The following CPSF2 variants were observed in gnomAD, a reference collection of about 807,000 sequenced individuals.
CPSF2 encodes cleavage and polyadenylation specificity factor subunit 2.
Under a neutral mutation model 84.2 loss-of-function variants are expected in CPSF2, and 51 were observed. The ratio of observed to expected loss-of-function variants is 0.61; its 90% CI spans 0.48 to 0.77. The LOEUF is 0.77. CPSF2 is among the 30% of genes least tolerant of loss of function. The pLI, the probability that CPSF2 is intolerant of heterozygous loss-of-function variation, is 0.00. For missense variants in CPSF2, 641 were observed against 929.4 expected (o/e 0.69, Z 4.03); for synonymous variants, 286 against 311.9 (o/e 0.92, Z 0.87).
intron 14 of CPSF2, among the ~76,000 whole-genome samples, chr14:92,160,716 G>A (rs2069360931): frequency 6.6e-6 from 1 of 152,212 alleles, no homozygotes; most frequent in Non-Finnish European, 1.5e-5. Context: ...AATGGGATTG[G>A]GGAGGAAACG....
At chr14:92,154,482 T>C in intron 10 of CPSF2, 24 bp downstream of exon 10, 1 of 1,466,416 alleles carries the variant, frequency 6.8e-7, no homozygotes, top group Non-Finnish European at 9.3e-7. Context: ...AGACAGATTA[T>C]AAATTTATGG....
chr14:92,122,662 C>T (rs534936083), intron 1 of CPSF2, among the ~76,000 whole-genome samples: 1 of 152,074 alleles, frequency 6.6e-6, no homozygotes, highest in East Asian at 1.9e-4. Flanking sequence ...CCCTCCAGCG[C>T]TTCCACTATC....
intron 2 of CPSF2, among the ~76,000 whole-genome samples, chr14:92,128,085 G>T (rs538921295): frequency 6.6e-6 from 1 of 152,078 alleles, no homozygotes; most frequent in Non-Finnish European, 1.5e-5. Context: ...AGCAAATAGC[G>T]TTAGCCAGGT....
chr14:92,163,254 A>G lies in CPSF2; in HGVS notation c.*1510A>G, dbSNP rs2069398393. 1 of 152,244 alleles carries G rather than the reference A, an allele frequency of 6.6e-6. No homozygotes were observed. Among genetic ancestry groups the G allele is most frequent in the African/African-American group, 2.4e-5 (1 of 41,422 alleles). The allele number at this position is 152,244 out of a possible 1,614,324, so 9.4% of individuals were successfully genotyped here. ...ATCTTATTTAACTATGTGTGGAACA[A>G]CCCAGTAATATCAGACTCGAATTAC... On this transcript the variant is annotated 3_prime_UTR_variant, in exon 16 of 16. Transcript: ENST00000298875.
chr14:92,122,053 C>CT lies in CPSF2; in HGVS notation c.-165dup. On this transcript the variant is annotated 5_prime_UTR_variant, in exon 1 of 16. Transcript: ENST00000298875. ...CCTGGCGCTGCTGACCCAGCATCGG[C>CT]TTTTCTACGTCTTGAACCTGGATTC... 2 of 556,500 alleles carry CT rather than the reference C, an allele frequency of 3.6e-6. No individual in the cohort carries two copies. Among genetic ancestry groups the CT allele is most frequent in the East Asian group, 6.4e-5 (2 of 31,488 alleles). 34.5% of individuals were successfully genotyped at this position (556,500 alleles called of 1,614,324 possible).
At chr14:92,141,302 G>A (rs2069075331) in intron 7 of CPSF2, among the ~76,000 whole-genome samples, 1 of 152,180 alleles carries the variant, frequency 6.6e-6, no homozygotes, top group Middle Eastern at 3.2e-3. Flanking sequence ...ATGATTTAAA[G>A]TATATAGGAG....
At chr14:92,142,485 C>G in intron 8 of CPSF2, 134 bp downstream of exon 8, 1 of 647,266 alleles carries the variant, frequency 1.5e-6, no homozygotes, top group Non-Finnish European at 2.7e-6. Flanking sequence ...TTGGCATTAA[C>G]CATTTACTGT....
rs767765242 is a variant in CPSF2 at position 92,159,215 on chromosome 14, A to G, written c.2054A>G (p.Asp685Gly). The change falls in exon 14 of 16, where the codon GAT becomes GGT. Residue 685 changes from aspartate to glycine, a missense_variant. Physicochemically the swap from Asp to Gly is moderately conservative, Grantham distance 94. Around this residue, in one of 2 missense-constraint regions of CPSF2, gnomAD observed 430 missense variants for 553.6 expected, o/e 0.78. Transcript: ENST00000298875. ...QQKAMKSLFGDDEKETGEESE... is the reference protein window; with the variant it reads ...QQKAMKSLFGGDEKETGEESE... Reference sequence around the variant, plus strand: ...AAGGCCATGAAAAGTCTGTTCGGAGATGATGAAAAAGAAACAGGTGAAGAA... The same window carrying G: ...AAGGCCATGAAAAGTCTGTTCGGAGGTGATGAAAAAGAAACAGGTGAAGAA... 1 of 1,613,804 alleles carries G rather than the reference A, an allele frequency of 6.2e-7. No individual in the cohort carries two copies. The highest frequency in any genetic ancestry group is 1.1e-5 in the South Asian group (1 of 91,034).
chr14:92,135,914 G>A (rs2068992807), intron 6 of CPSF2, among the ~76,000 whole-genome samples: 1 of 152,174 alleles, frequency 6.6e-6, no homozygotes, highest in Admixed American at 6.5e-5. Flanking sequence ...CATGTTGTGG[G>A]TGGGACCCGG....
In CPSF2 at chr14:92,142,369, C is replaced by T. The variant is rs1340919130; in HGVS notation, c.849+18C>T. The T allele has an allele frequency of 1.9e-6, 3 of 1,588,896 alleles. No individual in the cohort carries two copies. The highest frequency in any genetic ancestry group is 2.6e-6 in the Non-Finnish European group (3 of 1,164,600). On this transcript the variant is annotated intron_variant, in intron 8 of 15. Transcript: ENST00000298875. ...AGTCCCAGGTTTGTTCTCATGTTGT[C>T]ACTTGTAATAAGTTTGCTACAGTGA...
At position 92,155,273 on chromosome 14, in the gene CPSF2, TC is replaced by T; in HGVS notation, c.1394del (p.Pro465LeufsTer22). The T allele has an allele frequency of 6.2e-7, 1 of 1,614,126 alleles. No homozygotes were observed. Among genetic ancestry groups the T allele is most frequent in the Non-Finnish European group, 8.5e-7 (1 of 1,180,006 alleles). On this transcript the variant is annotated frameshift_variant, in exon 11 of 16. Coordinates refer to ENST00000298875, the MANE Select transcript of CPSF2 (RefSeq NM_017437.3). LOFTEE classifies it high-confidence loss of function. ...KQAKKSYPMF[P>X]APEERIKWDE... Reference sequence around the variant, plus strand: ...AGGCAAAAAAGTCCTATCCTATGTTTCCTGCCCCAGAAGAAAGAATTAAATG... The same window carrying T: ...AGGCAAAAAAGTCCTATCCTATGTTTCTGCCCCAGAAGAAAGAATTAAATG...
intron 14 of CPSF2, among the ~76,000 whole-genome samples, chr14:92,159,535 C>T (rs2069340762): frequency 6.6e-6 from 1 of 152,112 alleles, no homozygotes; most frequent in Non-Finnish European, 1.5e-5. Flanking sequence ...GACACCCTGT[C>T]AGAAACCTAG....
rs536295049 is a variant in CPSF2, at chr14:92,141,431, A to C, written c.662-733A>C. On this transcript the variant is annotated intron_variant, in intron 7 of 15. Coordinates refer to ENST00000298875, the MANE Select transcript of CPSF2 (RefSeq NM_017437.3). ...TCTGCAGCCTCAAACTCCTGGGCTCAAGCAGTCTCCCTCTAGCTTCCCACA... is the reference window on the plus strand; with the variant it reads ...TCTGCAGCCTCAAACTCCTGGGCTCCAGCAGTCTCCCTCTAGCTTCCCACA... 1.0e-3 allele frequency among the ~76,000 whole-genome samples: 156 copies of C among 152,218 alleles called. 2 individuals are homozygous for C. The highest frequency in any genetic ancestry group is 3.6e-3 in the African/African-American group (151 of 41,542).
intron 6 of CPSF2, among the ~76,000 whole-genome samples, chr14:92,136,857 G>A (rs1184212293): frequency 6.6e-6 from 1 of 152,042 alleles, no homozygotes; most frequent in Non-Finnish European, 1.5e-5. Context: ...TATAACAAAA[G>A]AAATTTCAGA....
In CPSF2 at chr14:92,155,330, G is replaced by A. The variant is rs1180358886; in HGVS notation, c.1442+7G>A. On this transcript the variant is annotated splice_region_variant and intron_variant, in intron 11 of 15. Transcript: ENST00000298875. ...AATATGGAGAGATTATCAAGTATGT[G>A]AGCAAAACAAACTTTTCTCTCTTAC... 1 of 1,606,872 alleles carries A rather than the reference G, an allele frequency of 6.2e-7. No individual in the cohort carries two copies. The highest frequency in any genetic ancestry group is 8.5e-7 in the Non-Finnish European group (1 of 1,173,796).
chr14:92,143,992 T>G (rs967760755), intron 9 of CPSF2, among the ~76,000 whole-genome samples: 1 of 152,208 alleles, frequency 6.6e-6, no homozygotes, highest in African/African-American at 2.4e-5. Context: ...TGTAGCCCCC[T>G]GAAGTAATTA....
Position 92,165,854 on chromosome 14 carries a change from C to CTTTTGTTTTT in CPSF2, c.*4114_*4115insGTTTTTTTTT. ...CAGTTCTTTGTGCTTGGTTTTATAT[C>CTTTTGTTTTT]TTTTTTTTTTTTTTTTTTTTTTTTT... On this transcript the variant is annotated 3_prime_UTR_variant, in exon 16 of 16. Coordinates refer to ENST00000298875, the MANE Select transcript of CPSF2 (RefSeq NM_017437.3). 2.0e-5 allele frequency: 1 copy of CTTTTGTTTTT among 50,636 alleles called. No individual in the cohort carries two copies. The highest frequency in any genetic ancestry group is 9.3e-5 in the African/African-American group (1 of 10,766). 3.1% of individuals were successfully genotyped at this position (50,636 alleles called of 1,614,324 possible).
intron 12 of CPSF2, 50 bp downstream of exon 12, chr14:92,156,681 A>G (rs1447146195): frequency 7.4e-7 from 1 of 1,350,968 alleles, no homozygotes; most frequent in African/African-American, 1.5e-5. Flanking sequence ...TAAAATTTCA[A>G]GCATTTGAAT....
intron 15 of CPSF2, 77 bp downstream of exon 15, chr14:92,161,323 G>T: frequency 6.7e-7 from 1 of 1,491,074 alleles, no homozygotes; most frequent in South Asian, 1.3e-5. Context: ...TGTAATTCTT[G>T]TTTGGTATTT....
Sources: allele counts gnomAD v4.1 joint callset (sites outside exome capture counted in the v4.1 genomes callset), GRCh38; gene constraint gnomAD v4.1.1; regional missense constraint gnomAD v4.1.1; transcripts MANE v1.5; gene names NCBI Gene and HGNC (gene_info 2026-07-23, HGNC 2026-07-21).